SNX27: variants seen among roughly 807,000 people sequenced by gnomAD.
The protein encoded by SNX27 is sorting nexin-27.
In SNX27, 22 loss-of-function variants were observed where a neutral mutation model predicts 71.6. That is an observed-to-expected ratio of 0.31 (90% CI 0.22 to 0.44). SNX27 has a LOEUF of 0.44. Among genes scored for constraint, SNX27 ranks in the 20% least tolerant of loss-of-function variants. The probability of loss-of-function intolerance (pLI) is 1.00; values close to 1 mark genes in which losing one functional copy is unlikely to be tolerated. For missense variants in SNX27, 531 were observed against 698.6 expected, an observed-to-expected ratio of 0.76 and a Z score of 2.70; for synonymous variants, 269 against 277.2, an observed-to-expected ratio of 0.97 and a Z score of 0.29.
Position 151,692,435 on chromosome 1 carries a change from T to TTTTA in SNX27, c.1240_1241insTTTA (p.Tyr414PhefsTer2). The TTTTA allele has an allele frequency of 6.3e-6, 5 of 799,382 alleles. No individual in the cohort carries two copies. Among genetic ancestry groups the TTTTA allele is most frequent in the Non-Finnish European group, 9.3e-6 (5 of 536,604 alleles). 49.5% of individuals were successfully genotyped at this position (799,382 alleles called of 1,614,324 possible). On this transcript the variant is annotated stop_gained and frameshift_variant and splice_region_variant, in exon 9 of 12. Transcript: ENST00000458013. LOFTEE classifies it high-confidence loss of function. Reference sequence around the variant, plus strand: ...TTTTTTTTTTTTTTTTTTTTTTTAGTACCTCAACATGCTAAGGACTTGTGA... The same window carrying TTTTA: ...TTTTTTTTTTTTTTTTTTTTTTTAGTTTTAACCTCAACATGCTAAGGACTTGTGA...
intron 9 of SNX27, 84 bp downstream of exon 9, chr1:151,692,668 A>C: frequency 6.5e-7 from 1 of 1,536,934 alleles, no homozygotes; most frequent in Non-Finnish European, 8.7e-7. Context: ...ATTCCATTTT[A>C]GGGGGAAATG....
chr1:151,623,333 G>T (rs1667765920), intron 1 of SNX27, among the ~76,000 whole-genome samples: 1 of 152,088 alleles, frequency 6.6e-6, no homozygotes, highest in Non-Finnish European at 1.5e-5. Flanking sequence ...GTAGAGACGG[G>T]GTTTCACCTT....
Position 151,696,513 on chromosome 1 carries a change from CG to C in SNX27, c.*2097del, listed in dbSNP as rs1671731408. ...TCTTTCTTTCTTTCTTTCGTTCTTT[CG>C]TTCTTTCGTTCTTTCTTTCTTTCTT... On this transcript the variant is annotated 3_prime_UTR_variant, in exon 12 of 12. Transcript: ENST00000458013. 1.4e-5 allele frequency: 2 copies of C among 141,298 alleles called. No homozygotes were observed. Among genetic ancestry groups the C allele is most frequent in the African/African-American group, 2.8e-5 (1 of 35,246 alleles). The allele number at this position is 141,298 out of a possible 1,614,324, so 8.8% of individuals were successfully genotyped here.
intron 5 of SNX27, among the ~76,000 whole-genome samples, chr1:151,663,799 G>T (rs897276246): frequency 6.6e-6 from 1 of 152,068 alleles, no homozygotes; most frequent in Non-Finnish European, 1.5e-5. Context: ...GGTTTAGGTG[G>T]TGAAATCTGA....
intron 5 of SNX27, among the ~76,000 whole-genome samples, chr1:151,663,096 T>C (rs1436107231): frequency 6.6e-6 from 1 of 152,138 alleles, no homozygotes; most frequent in African/African-American, 2.4e-5. Flanking sequence ...AAAAATGATT[T>C]TTTACATTTG....
chr1:151,691,044 T>C (rs1671418368), intron 8 of SNX27, among the ~76,000 whole-genome samples: 1 of 152,038 alleles, frequency 6.6e-6, no homozygotes, highest in Non-Finnish European at 1.5e-5. Flanking sequence ...AGTATAGGAG[T>C]CAGAGATTTA....
At chr1:151,682,918 C>G (rs1416598379) in intron 7 of SNX27, among the ~76,000 whole-genome samples, 2 of 152,104 alleles carry the variant, frequency 1.3e-5, no homozygotes, top group African/African-American at 4.8e-5. Context: ...GCCTGTAGTC[C>G]CAGCTACTCT....
chr1:151,696,131 A>T lies in SNX27; in HGVS notation c.*1714A>T, dbSNP rs1257874126. On this transcript the variant is annotated 3_prime_UTR_variant, in exon 12 of 12. Transcript: ENST00000458013. ...TGTCCGTTAAAGAGCTCCTCATCTG[A>T]TCTTGCAGCTAGACCCTTTGAGACT... 1 of 152,240 alleles carries T rather than the reference A, an allele frequency of 6.6e-6. No individual in the cohort carries two copies. Among genetic ancestry groups the T allele is most frequent in the Non-Finnish European group, 1.5e-5 (1 of 68,038 alleles). 9.4% of individuals were successfully genotyped at this position (152,240 alleles called of 1,614,324 possible). A position where few individuals can be genotyped will look rare whatever the true frequency, so the allele number is the denominator to read the frequency against.
chr1:151,651,414 T>A (rs1669360171), intron 2 of SNX27, among the ~76,000 whole-genome samples: 1 of 148,668 alleles, frequency 6.7e-6, no homozygotes, highest in Non-Finnish European at 1.5e-5. Context: ...ACGGGGTGGC[T>A]GCCGGGCGGA....
intron 1 of SNX27, among the ~76,000 whole-genome samples, chr1:151,633,975 T>C (rs1455600214): frequency 6.6e-6 from 1 of 151,416 alleles, no homozygotes. Context: ...TATGTGTGTT[T>C]TTTTTTTTTC....
chr1:151,682,903 C>T (rs768737452), intron 7 of SNX27, among the ~76,000 whole-genome samples: 2 of 152,140 alleles, frequency 1.3e-5, no homozygotes, highest in Non-Finnish European at 1.5e-5. Flanking sequence ...GGCGTGATGG[C>T]TCATGCCTGT....
At chr1:151,649,666 A>T (rs567395610) in intron 2 of SNX27, among the ~76,000 whole-genome samples, 1 of 152,024 alleles carries the variant, frequency 6.6e-6, no homozygotes, top group East Asian at 1.9e-4. Flanking sequence ...GGTCTTTTCT[A>T]TGGATTATTT....
At chr1:151,651,224 CG>C (rs869102995) in intron 2 of SNX27, among the ~76,000 whole-genome samples, 3 of 148,870 alleles carry the variant, frequency 2.0e-5, no homozygotes, top group African/African-American at 5.0e-5. Context: ...GCTGGCCGGG[CG>C]GGGGGCTGAC....
At chr1:151,633,692 A>G (rs1430727239) in intron 1 of SNX27, among the ~76,000 whole-genome samples, 2 of 152,166 alleles carry the variant, frequency 1.3e-5, no homozygotes, top group Non-Finnish European at 2.9e-5. Flanking sequence ...CTATTCCAGA[A>G]CTTCAAATAA....
chr1:151,643,643 G>A (rs1202941201), intron 2 of SNX27, among the ~76,000 whole-genome samples: 1 of 151,828 alleles, frequency 6.6e-6, no homozygotes, highest in Non-Finnish European at 1.5e-5. Context: ...CACCTAAAGT[G>A]CACAATTTAG....
intron 2 of SNX27, among the ~76,000 whole-genome samples, chr1:151,656,219 G>A (rs1390433209): frequency 4.9e-5 from 5 of 102,520 alleles, no homozygotes; most frequent in African/African-American, 1.9e-4. Flanking sequence ...GCGAGACTCC[G>A]TCTCAAAAAA....
Position 151,612,074 on chromosome 1 carries a change from C to T in SNX27, c.-128C>T. ...CACCCCGCGCCAGCAGCTCGGTGGC[C>T]GAGTCGGTCCCGCGGCCGGCGGATC... On this transcript the variant is annotated 5_prime_UTR_variant, in exon 1 of 12. Transcript: ENST00000458013. The surrounding 1 kb of genome is among the most constrained non-coding windows in gnomAD (Gnocchi z 5.2). 1 of 1,078,278 alleles carries T rather than the reference C, an allele frequency of 9.3e-7. No individual in the cohort carries two copies. Among genetic ancestry groups the T allele is most frequent in the Non-Finnish European group, 1.2e-6 (1 of 829,086 alleles). The allele number at this position is 1,078,278 out of a possible 1,614,324, so 66.8% of individuals were successfully genotyped here. A position where few individuals can be genotyped will look rare whatever the true frequency, so the allele number is the denominator to read the frequency against.
intron 5 of SNX27, among the ~76,000 whole-genome samples, chr1:151,665,245 C>T (rs1670141354): frequency 6.6e-6 from 1 of 152,046 alleles, no homozygotes; most frequent in Non-Finnish European, 1.5e-5. Flanking sequence ...TTTCCAATTT[C>T]TTTTTTATTT....
intron 7 of SNX27, among the ~76,000 whole-genome samples, chr1:151,680,837 G>A (rs1229487388): frequency 6.6e-6 from 1 of 152,118 alleles, no homozygotes; most frequent in African/African-American, 2.4e-5. Flanking sequence ...GGCTGGAGCA[G>A]TACAGTGTTT....
Sources: allele counts gnomAD v4.1 joint callset (sites outside exome capture counted in the v4.1 genomes callset), GRCh38; gene constraint gnomAD v4.1.1; non-coding constraint Gnocchi (gnomAD v3.1); transcripts MANE v1.5; gene names NCBI Gene and HGNC (gene_info 2026-07-23, HGNC 2026-07-21).